The following UBE2F variants were observed in gnomAD, a reference collection of about 807,000 sequenced individuals.
The protein encoded by UBE2F is ubiquitin conjugating enzyme E2 F (putative), also known as NEDD8-conjugating enzyme UBE2F.
UBE2F carries 5 observed loss-of-function variants against 29.6 expected under a neutral mutation model. The ratio of observed to expected loss-of-function variants is 0.17; its 90% confidence interval spans 0.09 to 0.36. The LOEUF is 0.36. Ranked by LOEUF, UBE2F falls within the 10% of genes least tolerant of loss-of-function variation. The pLI is 1.00. For missense variants in UBE2F, 141 were observed against 228.5 expected (o/e 0.62, Z 2.47); for synonymous variants, 66 against 81.8 (o/e 0.81, Z 1.04).
chr2:237,996,544 G>A (rs926854013), intron 4 of UBE2F, among the ~76,000 whole-genome samples: 1 of 150,336 alleles, frequency 6.7e-6, no homozygotes, highest in Non-Finnish European at 1.5e-5. Flanking sequence ...ACGCAATCTC[G>A]GGCTCACTGC....
At chr2:237,983,831 T>C (rs1357231232) in intron 2 of UBE2F, among the ~76,000 whole-genome samples, 1 of 152,120 alleles carries the variant, frequency 6.6e-6, no homozygotes, top group Non-Finnish European at 1.5e-5. Context: ...AATCACCACA[T>C]CCCCGATGGC....
chr2:238,001,099 A>G (rs1405398566), intron 4 of UBE2F, among the ~76,000 whole-genome samples: 2 of 146,194 alleles, frequency 1.4e-5, no homozygotes, highest in African/African-American at 5.0e-5. Context: ...CAATGGTGCA[A>G]TCTCGGCTCA....
chr2:238,033,476 T>C (rs1559229099), intron 8 of UBE2F, among the ~76,000 whole-genome samples: 2 of 152,140 alleles, frequency 1.3e-5, no homozygotes, highest in Non-Finnish European at 2.9e-5. Flanking sequence ...AGTGGGCTGT[T>C]TTATGAGCAT....
intron 2 of UBE2F, chr2:237,986,142 CTTTT>C (rs66771814): frequency 5.9e-3 from 1,531 of 258,682 alleles, no homozygotes; most frequent in Middle Eastern, 9.0e-3. Context: ...CTTTTCTTTT[CTTTT>C]TTTTTTTTTT....
At chr2:238,036,341 T>C (rs996866916) in intron 9 of UBE2F, among the ~76,000 whole-genome samples, 1 of 152,138 alleles carries the variant, frequency 6.6e-6, no homozygotes, top group Non-Finnish European at 1.5e-5. Flanking sequence ...ATTCAGCTAA[T>C]TTTTTTACTT....
intron 3 of UBE2F, among the ~76,000 whole-genome samples, chr2:237,991,397 T>C (rs1399385749): frequency 6.6e-6 from 1 of 152,120 alleles, no homozygotes; most frequent in African/African-American, 2.4e-5. Flanking sequence ...TATTCGGAAC[T>C]AGTTTGGAGC....
chr2:238,024,028 A>T (rs921404148), intron 5 of UBE2F, among the ~76,000 whole-genome samples: 1 of 152,174 alleles, frequency 6.6e-6, no homozygotes, highest in African/African-American at 2.4e-5. Flanking sequence ...GTACCATGGA[A>T]TGCAGGATGC....
At chr2:238,028,015 A>G (rs2064474530) in intron 6 of UBE2F, among the ~76,000 whole-genome samples, 1 of 152,234 alleles carries the variant, frequency 6.6e-6, no homozygotes, top group Non-Finnish European at 1.5e-5. Context: ...CCTAGAGTCC[A>G]AGCTTCTATT....
intron 5 of UBE2F, among the ~76,000 whole-genome samples, chr2:238,023,066 G>A (rs1022060355): frequency 3.9e-5 from 6 of 152,248 alleles, no homozygotes; most frequent in African/African-American, 1.4e-4. Flanking sequence ...ATGGTCATGT[G>A]TGAGGGCCTC....
chr2:238,012,990 T>A (rs912075927), intron 4 of UBE2F, among the ~76,000 whole-genome samples: 11 of 152,158 alleles, frequency 7.2e-5, no homozygotes, highest in Admixed American at 2.0e-4. Context: ...CAGAAATGGG[T>A]ATAGGCCAGG....
At chr2:237,985,290 A>G (rs995951575) in intron 2 of UBE2F, among the ~76,000 whole-genome samples, 2 of 152,192 alleles carry the variant, frequency 1.3e-5, no homozygotes, top group African/African-American at 2.4e-5. Flanking sequence ...ATTATGAACT[A>G]TAGTCATCAT....
At chr2:238,014,429 A>G (rs1040266242) in intron 4 of UBE2F, among the ~76,000 whole-genome samples, 2 of 152,244 alleles carry the variant, frequency 1.3e-5, no homozygotes, top group Non-Finnish European at 1.5e-5. Context: ...TTAAGGAAGA[A>G]CTTGACTGGA....
At chr2:238,018,637 C>T (rs955941233) in intron 5 of UBE2F, among the ~76,000 whole-genome samples, 1 of 152,164 alleles carries the variant, frequency 6.6e-6, no homozygotes, top group South Asian at 2.1e-4. Flanking sequence ...GTGATCTCAG[C>T]TCACTGCAAC....
intron 1 of UBE2F, among the ~76,000 whole-genome samples, chr2:237,972,169 C>T (rs2063188614): frequency 1.3e-5 from 2 of 152,150 alleles, no homozygotes; most frequent in South Asian, 4.1e-4. Context: ...AAATAAAACA[C>T]AAATGTAAGT....
At chr2:237,977,575 G>A (rs1386108777) in intron 2 of UBE2F, among the ~76,000 whole-genome samples, 1 of 152,162 alleles carries the variant, frequency 6.6e-6, no homozygotes, top group African/African-American at 2.4e-5. Context: ...CCTTTGTTTA[G>A]CTTGCTTTGT....
chr2:238,034,296 C>T lies in UBE2F; in HGVS notation c.445-1582C>T, dbSNP rs1181893694. Among the ~76,000 whole-genome samples, 6 of 151,156 alleles carry T rather than the reference C, an allele frequency of 4.0e-5. No homozygotes were observed. The South Asian group carries it at 6.3e-4, about 16-fold the overall frequency. On this transcript the variant is annotated intron_variant, in intron 8 of 9. Coordinates refer to ENST00000272930, the MANE Select transcript of UBE2F (RefSeq NM_080678.3). ...AAAAAAAATTAGCCAGGCGTGGTGG[C>T]GGGCGCCTGTAATCCCAGCTACTTG...
At chr2:238,012,552 A>G (rs1280243077) in intron 4 of UBE2F, among the ~76,000 whole-genome samples, 1 of 152,026 alleles carries the variant, frequency 6.6e-6, no homozygotes, top group Non-Finnish European at 1.5e-5. Flanking sequence ...CATTCTTCCT[A>G]TTTTCACCCA....
chr2:237,972,229 C>T (rs1279629032), intron 1 of UBE2F, among the ~76,000 whole-genome samples: 1 of 152,228 alleles, frequency 6.6e-6, no homozygotes, highest in African/African-American at 2.4e-5. Context: ...AAGGCTCTAT[C>T]CACACCTTTA....
chr2:238,021,548 G>A (rs573561671), intron 5 of UBE2F, among the ~76,000 whole-genome samples: 2 of 152,242 alleles, frequency 1.3e-5, no homozygotes, highest in Admixed American at 6.5e-5. Flanking sequence ...TATGATGGAC[G>A]TACACATTCA....
Sources: allele counts gnomAD v4.1 joint callset (sites outside exome capture counted in the v4.1 genomes callset), GRCh38; gene constraint gnomAD v4.1.1; transcripts MANE v1.5; gene names NCBI Gene and HGNC (gene_info 2026-07-23, HGNC 2026-07-21).